PRKAG2: variants seen among roughly 807,000 people sequenced by gnomAD.
PRKAG2 encodes the protein 5'-AMP-activated protein kinase subunit gamma-2.
PRKAG2 carries 26 observed loss-of-function variants against 69.6 expected under a neutral mutation model. That is an observed-to-expected ratio of 0.37 (90% CI 0.27 to 0.52). The LOEUF is 0.52. Ranked by LOEUF, PRKAG2 falls within the 20% of genes least tolerant of loss-of-function variation. PRKAG2 has a pLI of 0.90. For synonymous variants in PRKAG2, 293 were observed against 285.0 expected (o/e 1.03, Z -0.28); for missense variants, 557 against 740.0 (o/e 0.75, Z 2.87).
At chr7:151,588,959 G>A (rs189381700) in intron 6 of PRKAG2, among the ~76,000 whole-genome samples, 27 of 152,312 alleles carry the variant, frequency 1.8e-4, no homozygotes, top group Non-Finnish European at 3.4e-4. Context: ...CAGTCATGAA[G>A]TTACTGTCTC....
intron 1 of PRKAG2, among the ~76,000 whole-genome samples, chr7:151,838,881 G>A (rs1348037400): frequency 1.3e-5 from 2 of 151,932 alleles, no homozygotes; most frequent in African/African-American, 4.8e-5. Flanking sequence ...CAGGCGTGTT[G>A]GCTCATGCCT....
intron 1 of PRKAG2, among the ~76,000 whole-genome samples, chr7:151,808,790 G>C (rs6464171): frequency 0.74 from 112,204 of 152,064 alleles, 41,929 homozygotes; most frequent in South Asian, 0.85. Flanking sequence ...CGGCCTGAGG[G>C]CCGGCCTCCA....
intron 1 of PRKAG2, among the ~76,000 whole-genome samples, chr7:151,859,511 C>T (rs1194531438): frequency 6.6e-6 from 1 of 152,228 alleles, no homozygotes; most frequent in African/African-American, 2.4e-5. Flanking sequence ...AGCTAAGACA[C>T]ACACTTAAAG....
chr7:151,716,714 C>A (rs1175977960), intron 3 of PRKAG2, among the ~76,000 whole-genome samples: 1 of 152,148 alleles, frequency 6.6e-6, no homozygotes, highest in East Asian at 1.9e-4. Context: ...AGAACGGGGA[C>A]CAGTGAAATT....
At chr7:151,569,063 GA>G (rs1340596888) in intron 10 of PRKAG2, among the ~76,000 whole-genome samples, 1 of 152,166 alleles carries the variant, frequency 6.6e-6, no homozygotes, top group African/African-American at 2.4e-5. Context: ...TAGAAGAGGA[GA>G]TTTTTTTTGG....
intron 1 of PRKAG2, among the ~76,000 whole-genome samples, chr7:151,825,907 C>T (rs920829700): frequency 6.6e-6 from 1 of 152,214 alleles, no homozygotes; most frequent in African/African-American, 2.4e-5. Context: ...AAACAAAAAT[C>T]AGCAAGCAAG....
chr7:151,682,174 T>C (rs1298534701), intron 3 of PRKAG2, among the ~76,000 whole-genome samples: 2 of 152,202 alleles, frequency 1.3e-5, no homozygotes, highest in African/African-American at 4.8e-5. Flanking sequence ...ATTCCTAAGC[T>C]TTTTTTCTTT....
intron 3 of PRKAG2, among the ~76,000 whole-genome samples, chr7:151,713,804 G>A (rs1264803662): frequency 6.6e-6 from 1 of 152,008 alleles, no homozygotes; most frequent in African/African-American, 2.4e-5. Flanking sequence ...TTGAACTTCT[G>A]GCCTGAAGTG....
At position 151,836,734 on chromosome 7, in the gene PRKAG2, G is replaced by T. The variant is rs2079155034; in HGVS notation, c.114+39773C>A. On this transcript the variant is annotated intron_variant, in intron 1 of 15. Coordinates refer to ENST00000287878, the MANE Select transcript of PRKAG2 (RefSeq NM_016203.4). The surrounding 1 kb of genome is among the most constrained non-coding windows in gnomAD (Gnocchi z 4.1). ...CACAGCTCCTGGGCTGGAGAACTGT[G>T]AGGTAGGACCTAGCCCCTCGGGTCC... is the stretch of plus-strand genomic sequence containing the variant. Among the ~76,000 whole-genome samples the T allele has an allele frequency of 6.6e-6, 1 of 152,222 alleles. No homozygotes were observed. The highest frequency in any genetic ancestry group is 1.5e-5 in the Non-Finnish European group (1 of 68,046).
chr7:151,861,230 A>T (rs2079913494), intron 1 of PRKAG2, among the ~76,000 whole-genome samples: 1 of 152,180 alleles, frequency 6.6e-6, no homozygotes, highest in Non-Finnish European at 1.5e-5. Flanking sequence ...TTCAAATTAC[A>T]ATCAAAGAAT....
intron 9 of PRKAG2, 27 bp from the exon 10 acceptor site, chr7:151,570,252 G>A (rs1190307491): frequency 6.3e-7 from 1 of 1,593,718 alleles, no homozygotes; most frequent in East Asian, 2.2e-5. Context: ...AAAATATGCA[G>A]TTAGTAACAC....
chr7:151,574,960 G>A lies in PRKAG2; in HGVS notation c.947-11C>T. 1.2e-6 allele frequency: 2 copies of A among 1,612,088 alleles called. No homozygotes were observed. Among genetic ancestry groups the A allele is most frequent in the Non-Finnish European group, 1.7e-6 (2 of 1,179,440 alleles). Reference sequence around the variant, plus strand: ...TAATTGTTAGCATTCCTGGAACAAAGAATTACATGTTACAAATAAAACCAT... The same window carrying A: ...TAATTGTTAGCATTCCTGGAACAAAAAATTACATGTTACAAATAAAACCAT... On this transcript the variant is annotated splice_polypyrimidine_tract_variant and intron_variant, in intron 7 of 15. Coordinates refer to ENST00000287878, the MANE Select transcript of PRKAG2 (RefSeq NM_016203.4).
At chr7:151,737,557 A>C (rs906274314) in intron 3 of PRKAG2, among the ~76,000 whole-genome samples, 1 of 152,110 alleles carries the variant, frequency 6.6e-6, no homozygotes, top group Non-Finnish European at 1.5e-5. Context: ...TCTTCAGCGG[A>C]ATTGTTATTA....
At position 151,788,146 on chromosome 7, in the gene PRKAG2, C is replaced by A. The variant is rs1320165888; in HGVS notation, c.115-1605G>T. Among the ~76,000 whole-genome samples the A allele has an allele frequency of 6.6e-6, 1 of 152,190 alleles. No individual in the cohort carries two copies. The highest frequency in any genetic ancestry group is 2.4e-5 in the African/African-American group (1 of 41,452). On this transcript the variant is annotated intron_variant, in intron 1 of 15. Coordinates refer to ENST00000287878, the MANE Select transcript of PRKAG2 (RefSeq NM_016203.4). This position sits in a 1 kb window ranked among gnomAD's most constrained non-coding sequence, Gnocchi z 4.6. Reference sequence around the variant, plus strand: ...GTGGAACTGCTGGACATCAGGTCATCCTACTGTCAATTTTTTGAGGAGCCA... The same window carrying A: ...GTGGAACTGCTGGACATCAGGTCATACTACTGTCAATTTTTTGAGGAGCCA...
intron 8 of PRKAG2, among the ~76,000 whole-genome samples, chr7:151,574,241 C>T (rs760410200): frequency 6.6e-6 from 1 of 152,136 alleles, no homozygotes; most frequent in Admixed American, 6.6e-5. Context: ...TCCTTCCCCC[C>T]ACCCTCATGA....
chr7:151,847,580 C>T (rs1232957443), intron 1 of PRKAG2, among the ~76,000 whole-genome samples: 1 of 152,178 alleles, frequency 6.6e-6, no homozygotes, highest in Non-Finnish European at 1.5e-5. Flanking sequence ...CATCACTCAT[C>T]CTGGGGCACT....
At chr7:151,570,447 A>G (rs1807275990) in intron 9 of PRKAG2, among the ~76,000 whole-genome samples, 1 of 152,212 alleles carries the variant, frequency 6.6e-6, no homozygotes, top group South Asian at 2.1e-4. Flanking sequence ...AGAAAAATTA[A>G]ATATTAAAAA....
intron 3 of PRKAG2, among the ~76,000 whole-genome samples, chr7:151,720,679 T>G (rs951082016): frequency 1.7e-4 from 5 of 28,860 alleles, no homozygotes; most frequent in Non-Finnish European, 3.1e-4. Flanking sequence ...TGGAGGGGGA[T>G]GGAGGGGATG....
intron 1 of PRKAG2, among the ~76,000 whole-genome samples, chr7:151,816,942 C>G (rs2078660028): frequency 2.0e-5 from 3 of 152,174 alleles, no homozygotes; most frequent in African/African-American, 7.2e-5. Flanking sequence ...GCTTGGAGAC[C>G]AGCGTTTGAG....
Sources: allele counts gnomAD v4.1 joint callset (sites outside exome capture counted in the v4.1 genomes callset), GRCh38; gene constraint gnomAD v4.1.1; non-coding constraint Gnocchi (gnomAD v3.1); transcripts MANE v1.5; gene names NCBI Gene and HGNC (gene_info 2026-07-23, HGNC 2026-07-21).